SH3GL2: variants seen among roughly 807,000 people sequenced by gnomAD.
The protein encoded by SH3GL2 is SH3 domain containing GRB2 like 2, endophilin A1.
A neutral mutation model predicts 46.0 loss-of-function variants in SH3GL2; 24 were observed. The ratio of observed to expected loss-of-function variants is 0.52; its 90% CI spans 0.38 to 0.73. SH3GL2 has a LOEUF of 0.73. Ranked by LOEUF, SH3GL2 falls within the 30% of genes least tolerant of loss-of-function variation. The pLI, the probability that SH3GL2 is intolerant of heterozygous loss-of-function variation, is 0.00. For missense variants in SH3GL2, 413 were observed against 424.2 expected (o/e 0.97, Z 0.23); for synonymous variants, 196 against 147.1 (o/e 1.33, Z -2.40).
Position 17,725,893 on chromosome 9 carries a change from G to T in SH3GL2, c.46-21173G>T, listed in dbSNP as rs542304747. Among the ~76,000 whole-genome samples, 11 of 152,252 alleles carry T rather than the reference G, an allele frequency of 7.2e-5. No individual in the cohort carries two copies. The South Asian group carries it at 2.3e-3, about 32-fold the overall frequency. On this transcript the variant is annotated intron_variant, in intron 1 of 8. Coordinates refer to ENST00000380607, the MANE Select transcript of SH3GL2 (RefSeq NM_003026.5). ...GTGAAACTCTAGCCCTAGACTAGGA[G>T]CTGGGGAGAGTGGGAACCCCCGTGT...
At chr9:17,669,997 G>A (rs1443472776) in intron 1 of SH3GL2, among the ~76,000 whole-genome samples, 1 of 152,138 alleles carries the variant, frequency 6.6e-6, no homozygotes, top group Admixed American at 6.6e-5. Context: ...CTAGTGGGGA[G>A]GCAGTATCTG....
chr9:17,707,888 C>T (rs897491774), intron 1 of SH3GL2, among the ~76,000 whole-genome samples: 1 of 152,044 alleles, frequency 6.6e-6, no homozygotes, highest in African/African-American at 2.4e-5. Flanking sequence ...TCACACTCAT[C>T]TTGTGTATTT....
chr9:17,738,623 A>ATT lies in SH3GL2; in HGVS notation c.46-8440_46-8439dup, dbSNP rs1438666744. ...TTATTTCAAGGAATTGCCTCATGTG[A>ATT]TTTTATATATATATATATAGAGAGA... On this transcript the variant is annotated intron_variant, in intron 1 of 8. Coordinates refer to ENST00000380607, the MANE Select transcript of SH3GL2 (RefSeq NM_003026.5). Among the ~76,000 whole-genome samples the ATT allele has an allele frequency of 9.8e-3, 289 of 29,510 alleles. 3 individuals are homozygous for ATT. The highest frequency in any genetic ancestry group is 0.022 in the African/African-American group (125 of 5,742). 19.4% of individuals were successfully genotyped at this position (29,510 alleles called of 152,430 possible). A position where few individuals can be genotyped will look rare whatever the true frequency, so the allele number is the denominator to read the frequency against.
intron 1 of SH3GL2, among the ~76,000 whole-genome samples, chr9:17,666,001 G>A (rs577160559): frequency 4.7e-5 from 7 of 150,530 alleles, no homozygotes; most frequent in East Asian, 1.9e-4. Flanking sequence ...TAACTCCACC[G>A]CCTAAGAAAC....
At chr9:17,626,543 A>G (rs560577227) in intron 1 of SH3GL2, among the ~76,000 whole-genome samples, 6 of 152,118 alleles carry the variant, frequency 3.9e-5, no homozygotes, top group South Asian at 2.1e-4. Context: ...TTATTTTTTT[A>G]AAGAGTAAAA....
At chr9:17,681,779 A>G (rs1240200361) in intron 1 of SH3GL2, among the ~76,000 whole-genome samples, 2 of 152,134 alleles carry the variant, frequency 1.3e-5, no homozygotes, top group African/African-American at 4.8e-5. Flanking sequence ...ACCAAAGAAT[A>G]GGAGAAAATT....
intron 1 of SH3GL2, among the ~76,000 whole-genome samples, chr9:17,709,971 A>G (rs748600749): frequency 6.6e-6 from 1 of 151,962 alleles, no homozygotes; most frequent in African/African-American, 2.4e-5. Context: ...TAGAGGCCCT[A>G]TAAGTACAAA....
In SH3GL2 at chr9:17,787,381, C is replaced by T. The variant is rs370903340; in HGVS notation, c.333C>T (p.Gly111=). Residue 111 remains glycine, a splice_region_variant and synonymous_variant, in exon 5 of 9, where the codon GGC becomes GGT. Coordinates refer to ENST00000380607, the MANE Select transcript of SH3GL2 (RefSeq NM_003026.5). ...TGAAAGAGCTTTATTCTCTCCTAGGCCCAGCACTTGGTGAGGTCGGGGAGG... is the reference window on the plus strand; with the variant it reads ...TGAAAGAGCTTTATTCTCTCCTAGGTCCAGCACTTGGTGAGGTCGGGGAGG... ...GRELGDDCNF[G]PALGEVGEAM... is the part of the protein sequence containing the mutation. 3.7e-6 allele frequency: 6 copies of T among 1,612,436 alleles called. No individual in the cohort carries two copies. The East Asian group carries it at 1.1e-4, about 30-fold the overall frequency.
chr9:17,622,163 G>T (rs1262740460), intron 1 of SH3GL2, among the ~76,000 whole-genome samples: 2 of 152,112 alleles, frequency 1.3e-5, no homozygotes, highest in Non-Finnish European at 2.9e-5. Context: ...ATTAGGAGTT[G>T]TTTTGAAAAT....
At chr9:17,700,030 C>T (rs74516771) in intron 1 of SH3GL2, among the ~76,000 whole-genome samples, 1,522 of 147,976 alleles carry the variant, frequency 0.01, 16 homozygotes, top group Middle Eastern at 0.025. Context: ...TTCCTTGTCA[C>T]GCTTGCTGAT....
chr9:17,580,291 T>G (rs998575584), intron 1 of SH3GL2, among the ~76,000 whole-genome samples: 1 of 152,210 alleles, frequency 6.6e-6, no homozygotes, highest in South Asian at 2.1e-4. Flanking sequence ...TTTTCATAGG[T>G]TAGCCTTAAT....
intron 1 of SH3GL2, among the ~76,000 whole-genome samples, chr9:17,746,441 C>CATAAA (rs1223896585): frequency 6.6e-6 from 1 of 152,142 alleles, no homozygotes; most frequent in Non-Finnish European, 1.5e-5. Flanking sequence ...ATTTGACAAA[C>CATAAA]ATAAAATGTA....
intron 1 of SH3GL2, among the ~76,000 whole-genome samples, chr9:17,711,235 A>T (rs1821613544): frequency 6.6e-6 from 1 of 151,910 alleles, no homozygotes; most frequent in Non-Finnish European, 1.5e-5. Context: ...TTTTTATTTG[A>T]AGAACTAACT....
chr9:17,662,913 G>A (rs776285772), intron 1 of SH3GL2, among the ~76,000 whole-genome samples: 9 of 152,084 alleles, frequency 5.9e-5, no homozygotes, highest in Non-Finnish European at 1.0e-4. Flanking sequence ...GTTTTGCCAT[G>A]TTGGCCAGGC....
chr9:17,786,331 C>T (rs574235983), intron 3 of SH3GL2, 50 bp from the exon 4 acceptor site: 35 of 1,557,560 alleles, frequency 2.2e-5, no homozygotes, highest in Middle Eastern at 1.7e-4. Context: ...GCCCTATTTC[C>T]GCAGTGTCAC....
chr9:17,674,989 C>T lies in SH3GL2; in HGVS notation c.46-72077C>T, dbSNP rs140161799. ...CTAGATAGGAGGAGCCACCAGGTTACATTGCCAAGGGGTGTGCATACAGGG... is the reference window on the plus strand; with the variant it reads ...CTAGATAGGAGGAGCCACCAGGTTATATTGCCAAGGGGTGTGCATACAGGG... On this transcript the variant is annotated intron_variant, in intron 1 of 8. Coordinates refer to ENST00000380607, the MANE Select transcript of SH3GL2 (RefSeq NM_003026.5). 1.8e-3 allele frequency among the ~76,000 whole-genome samples: 270 copies of T among 152,294 alleles called. 2 individuals are homozygous for T. Among genetic ancestry groups the T allele is most frequent in the African/African-American group, 6.1e-3 (253 of 41,560 alleles).
chr9:17,758,489 G>A (rs1012678579), intron 2 of SH3GL2, among the ~76,000 whole-genome samples: 9 of 147,732 alleles, frequency 6.1e-5, no homozygotes, highest in Middle Eastern at 3.3e-3. Flanking sequence ...TTGAACCTGG[G>A]AGGAGGAGGT....
intron 3 of SH3GL2, among the ~76,000 whole-genome samples, chr9:17,766,949 A>T (rs1006018304): frequency 2.6e-5 from 4 of 152,210 alleles, no homozygotes; most frequent in Admixed American, 2.6e-4. Flanking sequence ...TTTTAAAAAA[A>T]ATTCTGAAAG....
At chr9:17,763,578 A>T (rs1011701876) in intron 3 of SH3GL2, among the ~76,000 whole-genome samples, 1 of 152,172 alleles carries the variant, frequency 6.6e-6, no homozygotes, top group African/African-American at 2.4e-5. Flanking sequence ...ATTCTCTCAG[A>T]GCCTCCAGAG....
Sources: allele counts gnomAD v4.1 joint callset (sites outside exome capture counted in the v4.1 genomes callset), GRCh38; gene constraint gnomAD v4.1.1; transcripts MANE v1.5; gene names NCBI Gene and HGNC (gene_info 2026-07-23, HGNC 2026-07-21).